CTNNA3: variants seen among roughly 807,000 people sequenced by gnomAD.
CTNNA3 encodes the protein catenin alpha 3.
Under a neutral mutation model 95.7 loss-of-function variants are expected in CTNNA3, and 76 were observed. The ratio of observed to expected loss-of-function variants is 0.79; its 90% CI spans 0.66 to 0.96. The LOEUF is 0.96. Among genes scored for constraint, CTNNA3 ranks in the 40% least tolerant of loss-of-function variants. The pLI is 0.00. For missense variants in CTNNA3, 1,191 were observed against 1,089.8 expected (o/e 1.09, Z -1.31); for synonymous variants, 431 against 374.4 (o/e 1.15, Z -1.74).
intron 5 of CTNNA3, among the ~76,000 whole-genome samples, chr10:67,266,701 G>C (rs1866840340): frequency 6.6e-6 from 1 of 152,118 alleles, no homozygotes; most frequent in Admixed American, 6.6e-5. Context: ...AGGGTACAAA[G>C]TTTCAGCTAG....
chr10:66,124,988 G>T (rs1000713520), intron 13 of CTNNA3, among the ~76,000 whole-genome samples: 23 of 152,058 alleles, frequency 1.5e-4, no homozygotes, highest in African/African-American at 5.3e-4. Context: ...TTAGGAAAAA[G>T]AACTCTACAT....
chr10:66,744,256 C>A (rs1849428944), intron 9 of CTNNA3, among the ~76,000 whole-genome samples: 1 of 152,242 alleles, frequency 6.6e-6, no homozygotes, highest in South Asian at 2.1e-4. Context: ...CTATTTAGCT[C>A]TTCTTAGTAT....
intron 7 of CTNNA3, among the ~76,000 whole-genome samples, chr10:66,789,613 T>C (rs1176834533): frequency 1.3e-5 from 2 of 152,184 alleles, no homozygotes; most frequent in Non-Finnish European, 2.9e-5. Context: ...TTGACCAAGA[T>C]CTTTTTTTAT....
intron 5 of CTNNA3, among the ~76,000 whole-genome samples, chr10:67,357,408 G>A (rs1372488643): frequency 6.6e-6 from 1 of 151,982 alleles, no homozygotes; most frequent in Non-Finnish European, 1.5e-5. Context: ...TTAATACAGA[G>A]AAAGCACAAG....
chr10:66,844,503 CT>C (rs1304588416), intron 7 of CTNNA3, among the ~76,000 whole-genome samples: 1 of 152,122 alleles, frequency 6.6e-6, no homozygotes, highest in Non-Finnish European at 1.5e-5. Flanking sequence ...CTTTATGTCA[CT>C]GGTTTTTACA....
chr10:66,219,683 C>A (rs143334333), intron 13 of CTNNA3, among the ~76,000 whole-genome samples: 147 of 152,022 alleles, frequency 9.7e-4, no homozygotes, highest in African/African-American at 3.5e-3. Flanking sequence ...CCTCATGAGA[C>A]AACTGAGATA....
chr10:65,980,968 A>G (rs1014936740), intron 16 of CTNNA3, among the ~76,000 whole-genome samples: 4 of 152,080 alleles, frequency 2.6e-5, no homozygotes, highest in African/African-American at 9.7e-5. Context: ...TTTGTATTCA[A>G]CAGGACTCTG....
At position 66,636,095 on chromosome 10, in the gene CTNNA3, C is replaced by A. The variant is rs117492953; in HGVS notation, c.1282-14311G>T. ...ATATATGAAGTCCGAGCAAAATTTACAAATATGTGCATGTACTATTATTAA... is the reference window on the plus strand; with the variant it reads ...ATATATGAAGTCCGAGCAAAATTTAAAAATATGTGCATGTACTATTATTAA... On this transcript the variant is annotated intron_variant, in intron 9 of 17. Coordinates refer to ENST00000433211, the MANE Select transcript of CTNNA3 (RefSeq NM_013266.4). Among the ~76,000 whole-genome samples the A allele has an allele frequency of 4.3e-3, 648 of 151,062 alleles. 1 individual carries two copies. Among genetic ancestry groups the A allele is most frequent in the Non-Finnish European group, 6.8e-3 (462 of 67,734 alleles).
At chr10:66,531,904 A>G (rs1841479021) in intron 10 of CTNNA3, among the ~76,000 whole-genome samples, 1 of 152,150 alleles carries the variant, frequency 6.6e-6, no homozygotes, top group Non-Finnish European at 1.5e-5. Flanking sequence ...ATAATTTGCT[A>G]CTCAGAGATT....
chr10:67,370,024 T>A (rs1843360162), intron 5 of CTNNA3, among the ~76,000 whole-genome samples: 1 of 152,202 alleles, frequency 6.6e-6, no homozygotes, highest in South Asian at 2.1e-4. Context: ...GTCTACATAC[T>A]TAAGTGTATG....
intron 6 of CTNNA3, among the ~76,000 whole-genome samples, chr10:67,191,056 A>T (rs1863097521): frequency 6.6e-6 from 1 of 152,084 alleles, no homozygotes; most frequent in Non-Finnish European, 1.5e-5. Flanking sequence ...CATCTATTAG[A>T]ATGGCCAAAT....
At chr10:67,548,872 A>T (rs1338182436) in intron 3 of CTNNA3, among the ~76,000 whole-genome samples, 1 of 152,094 alleles carries the variant, frequency 6.6e-6, no homozygotes, top group Non-Finnish European at 1.5e-5. Flanking sequence ...TAAGGGGCTT[A>T]TATCCAGAAT....
intron 7 of CTNNA3, among the ~76,000 whole-genome samples, chr10:66,776,999 C>T (rs1057017381): frequency 2.6e-5 from 4 of 152,056 alleles, no homozygotes; most frequent in Non-Finnish European, 2.9e-5. Context: ...TACTGTTTTC[C>T]AGGAAGGTGT....
intron 7 of CTNNA3, among the ~76,000 whole-genome samples, chr10:67,133,390 C>T (rs1339284952): frequency 1.4e-5 from 2 of 143,422 alleles, no homozygotes; most frequent in Non-Finnish European, 3.0e-5. Context: ...CACACACACA[C>T]ACACACACAC....
intron 1 of CTNNA3, among the ~76,000 whole-genome samples, chr10:67,690,517 A>G (rs1435428605): frequency 6.6e-6 from 1 of 152,026 alleles, no homozygotes; most frequent in Non-Finnish European, 1.5e-5. Context: ...TTCTGTTTTT[A>G]CAGAGTCCTG....
chr10:67,283,274 G>C (rs190820236), intron 5 of CTNNA3, among the ~76,000 whole-genome samples: 34 of 152,240 alleles, frequency 2.2e-4, no homozygotes, highest in Admixed American at 1.0e-3. Flanking sequence ...ATAATTGGTC[G>C]CAGCCAGTGC....
At chr10:66,245,791 G>A (rs923852166) in intron 13 of CTNNA3, among the ~76,000 whole-genome samples, 1 of 152,210 alleles carries the variant, frequency 6.6e-6, no homozygotes, top group Admixed American at 6.5e-5. Context: ...GCAAAGAGGA[G>A]GCCATAAAGT....
chr10:66,255,222 T>C (rs4745896), intron 13 of CTNNA3, among the ~76,000 whole-genome samples: 67,990 of 151,990 alleles, frequency 0.45, 16,355 homozygotes, highest in African/African-American at 0.63. Flanking sequence ...CAGGCAAGGG[T>C]AGGCCCTCTA....
At chr10:66,941,337 G>A (rs1445248759) in intron 7 of CTNNA3, among the ~76,000 whole-genome samples, 1 of 152,132 alleles carries the variant, frequency 6.6e-6, no homozygotes, top group Non-Finnish European at 1.5e-5. Context: ...TTTCTCGAGT[G>A]CATTTTAAAA....
Sources: allele counts gnomAD v4.1 joint callset (sites outside exome capture counted in the v4.1 genomes callset), GRCh38; gene constraint gnomAD v4.1.1; transcripts MANE v1.5; gene names NCBI Gene and HGNC (gene_info 2026-07-23, HGNC 2026-07-21).